Variants in XKR9 observed in about 807,000 individuals in gnomAD.
XKR9 encodes the protein XK related 9, also known as XK-related protein 9.
Under a neutral mutation model 32.0 loss-of-function variants are expected in XKR9, and 32 were observed. The ratio of observed to expected loss-of-function variants is 1.00; its 90% confidence interval spans 0.76 to 1.34. The LOEUF is 1.34. Among genes scored for constraint, XKR9 ranks in the 40% most tolerant of loss-of-function variants. XKR9 has a pLI of 0.00. For synonymous variants in XKR9, 168 were observed against 143.4 expected, an observed-to-expected ratio of 1.17 and a Z score of -1.22; for missense variants, 546 against 429.7, an observed-to-expected ratio of 1.27 and a Z score of -2.39.
the XKR9 span, among the ~76,000 whole-genome samples, chr8:70,834,546 TA>T: frequency 6.6e-6 from 1 of 152,168 alleles, no homozygotes; most frequent in Non-Finnish European, 1.5e-5. Context: ...TGATGTTGCT[TA>T]AATTCCTGTT....
the XKR9 span, among the ~76,000 whole-genome samples, chr8:70,919,004 C>T: frequency 1.3e-5 from 2 of 151,870 alleles, no homozygotes; most frequent in Non-Finnish European, 2.9e-5. Flanking sequence ...GTCTCAATTT[C>T]CTGACCTCGT....
chr8:70,701,330 C>T (rs1245213735), intron 3 of XKR9, among the ~76,000 whole-genome samples: 1 of 152,188 alleles, frequency 6.6e-6, no homozygotes, highest in African/African-American at 2.4e-5. Context: ...TCCATCTTGG[C>T]TGCCACCTCT....
intron 3 of XKR9, among the ~76,000 whole-genome samples, chr8:70,694,062 AG>A (rs1164204773): frequency 6.6e-6 from 1 of 151,880 alleles, no homozygotes; most frequent in East Asian, 1.9e-4. Flanking sequence ...ACTTTTCTGT[AG>A]GGCTGCTGTG....
At chr8:70,990,148 T>A in the XKR9 span, among the ~76,000 whole-genome samples, 2 of 152,226 alleles carry the variant, frequency 1.3e-5, no homozygotes, top group African/African-American at 4.8e-5. Context: ...TTATAATACC[T>A]GCCTAGTTTC....
At chr8:70,810,399 C>T in the XKR9 span, among the ~76,000 whole-genome samples, 1 of 152,186 alleles carries the variant, frequency 6.6e-6, no homozygotes, top group Admixed American at 6.5e-5. Flanking sequence ...GCAAAATAAC[C>T]AGCTAACATC....
the XKR9 span, among the ~76,000 whole-genome samples, chr8:70,852,905 A>G: frequency 1.1e-3 from 153 of 139,024 alleles, 2 homozygotes; most frequent in African/African-American, 3.8e-3. Context: ...AGTGTAGATG[A>G]CGGGTTGATG....
downstream of XKR9, among the ~76,000 whole-genome samples, chr8:70,793,871 C>T (rs1284072561): frequency 6.6e-6 from 1 of 151,858 alleles, no homozygotes; most frequent in African/African-American, 2.4e-5. Context: ...TTAGGATCAG[C>T]TCTCCATTTC....
intron 2 of XKR9, among the ~76,000 whole-genome samples, chr8:70,742,626 CTTTA>C (rs1354423232): frequency 6.6e-6 from 1 of 151,952 alleles, no homozygotes; most frequent in Admixed American, 6.6e-5. Context: ...CTGAACATAT[CTTTA>C]TTTATCTTTC....
intron 2 of XKR9, among the ~76,000 whole-genome samples, chr8:70,780,518 C>T (rs1807600484): frequency 1.3e-5 from 2 of 152,006 alleles, no homozygotes; most frequent in African/African-American, 2.4e-5. Flanking sequence ...TCAGTCTTCA[C>T]ATATTTTGGA....
the XKR9 span, among the ~76,000 whole-genome samples, chr8:70,937,060 A>G: frequency 2.0e-5 from 3 of 151,972 alleles, no homozygotes; most frequent in African/African-American, 7.2e-5. Context: ...GGGTAATTAC[A>G]GCACATACCT....
chr8:70,876,945 A>G, the XKR9 span, among the ~76,000 whole-genome samples: 1 of 152,146 alleles, frequency 6.6e-6, no homozygotes, highest in South Asian at 2.1e-4. Context: ...ATAAACATAA[A>G]TTTTATTATC....
At chr8:70,708,501 A>G (rs1267820385) in intron 4 of XKR9, among the ~76,000 whole-genome samples, 1 of 152,146 alleles carries the variant, frequency 6.6e-6, no homozygotes, top group Non-Finnish European at 1.5e-5. Flanking sequence ...AGTATGGAAC[A>G]TTATGTAGCC....
chr8:70,925,381 C>T, the XKR9 span, among the ~76,000 whole-genome samples: 5 of 152,208 alleles, frequency 3.3e-5, no homozygotes, highest in African/African-American at 1.2e-4. Flanking sequence ...AGGCAGTGGT[C>T]AGGCTAGGAG....
the XKR9 span, among the ~76,000 whole-genome samples, chr8:70,811,719 C>T: frequency 6.6e-6 from 1 of 152,144 alleles, no homozygotes; most frequent in Non-Finnish European, 1.5e-5. Flanking sequence ...TCAACACATA[C>T]ACACTCCCAA....
chr8:70,937,304 A>T, the XKR9 span, among the ~76,000 whole-genome samples: 2 of 152,092 alleles, frequency 1.3e-5, no homozygotes, highest in African/African-American at 4.8e-5. Flanking sequence ...TATTAGTCAC[A>T]TACTAGGCAA....
At chr8:70,832,431 G>C in the XKR9 span, among the ~76,000 whole-genome samples, 1 of 152,120 alleles carries the variant, frequency 6.6e-6, no homozygotes, top group Non-Finnish European at 1.5e-5. Flanking sequence ...AAATATGAAA[G>C]GAGCTGAATT....
chr8:70,992,017 T>A, the XKR9 span, among the ~76,000 whole-genome samples: 4 of 152,218 alleles, frequency 2.6e-5, no homozygotes, highest in Non-Finnish European at 5.9e-5. Flanking sequence ...TTGCAGATAA[T>A]CCTTAGTTCC....
chr8:70,981,877 C>T, the XKR9 span, among the ~76,000 whole-genome samples: 1 of 152,194 alleles, frequency 6.6e-6, no homozygotes, highest in Non-Finnish European at 1.5e-5. Flanking sequence ...AATGGGGCTT[C>T]CCAAGAGCTG....
At chr8:71,063,629 C>T in the XKR9 span, among the ~76,000 whole-genome samples, 1 of 151,878 alleles carries the variant, frequency 6.6e-6, no homozygotes, top group Non-Finnish European at 1.5e-5. Context: ...AGGTTTTTAA[C>T]CTTTTGAAAA....
Sources: gnomAD v4.1 joint callset for allele counts (sites outside exome capture counted in the v4.1 genomes callset) on GRCh38, gnomAD v4.1.1 for gene constraint, MANE v1.5 for transcripts, NCBI Gene and HGNC (gene_info 2026-07-23, HGNC 2026-07-21) for gene names.